Variants in COL5A2 observed in about 807,000 individuals in gnomAD.
The protein encoded by COL5A2 is collagen alpha-2(V) chain.
Under a neutral mutation model 208.2 loss-of-function variants are expected in COL5A2, and 23 were observed. The ratio of observed to expected loss-of-function variants is 0.11; its 90% CI spans 0.08 to 0.16. COL5A2 has a LOEUF of 0.16. Among genes scored for constraint, COL5A2 ranks in the 10% least tolerant of loss-of-function variants. The pLI is 1.00. For synonymous variants in COL5A2, 625 were observed against 628.5 expected, an observed-to-expected ratio of 0.99 and a Z score of 0.08; for missense variants, 1,590 against 1,956.4, an observed-to-expected ratio of 0.81 and a Z score of 3.53.
At chr2:189,258,266 C>T in the COL5A2 span, among the ~76,000 whole-genome samples, 27 of 152,124 alleles carry the variant, frequency 1.8e-4, no homozygotes, top group Non-Finnish European at 7.4e-5. Flanking sequence ...AAGTATGAGT[C>T]CAGATAATTA....
In COL5A2 at chr2:189,087,786, TG is replaced by T. The variant is rs1686696792; in HGVS notation, c.645+908del. On this transcript the variant is annotated intron_variant, in intron 8 of 53. Transcript: ENST00000374866. ...CTGGCCAAAATCAAATTTATTCTTA[TG>T]GCAAGATTTTAATTTTTTATTTTGA... is the stretch of plus-strand genomic sequence containing the variant. Among the ~76,000 whole-genome samples, 3 of 152,024 alleles carry T rather than the reference TG, an allele frequency of 2.0e-5. No individual in the cohort carries two copies. In the South Asian group the frequency reaches 6.2e-4, roughly 32 times the overall value.
the COL5A2 span, among the ~76,000 whole-genome samples, chr2:189,242,537 ACT>A: frequency 6.6e-6 from 1 of 151,958 alleles, no homozygotes; most frequent in Non-Finnish European, 1.5e-5. Flanking sequence ...CCAAGTCATG[ACT>A]CTCTAACCTA....
the COL5A2 span, among the ~76,000 whole-genome samples, chr2:189,396,665 C>A: frequency 1.2e-5 from 1 of 85,662 alleles, no homozygotes. Flanking sequence ...CAGAGCAAGA[C>A]TCCATTAAAA....
the COL5A2 span, among the ~76,000 whole-genome samples, chr2:189,305,273 G>A: frequency 6.6e-6 from 1 of 152,196 alleles, no homozygotes; most frequent in African/African-American, 2.4e-5. Flanking sequence ...TTACGAGCCT[G>A]CTGCTATGAT....
chr2:189,304,388 T>A, the COL5A2 span, among the ~76,000 whole-genome samples: 1 of 152,150 alleles, frequency 6.6e-6, no homozygotes, highest in Non-Finnish European at 1.5e-5. Flanking sequence ...TATAAAGAAA[T>A]ACCTGAGTCC....
chr2:189,315,258 TG>T, the COL5A2 span, among the ~76,000 whole-genome samples: 2 of 152,314 alleles, frequency 1.3e-5, no homozygotes, highest in African/African-American at 4.8e-5. Context: ...GCTTCATCCC[TG>T]GGATGCAAGA....
the COL5A2 span, among the ~76,000 whole-genome samples, chr2:189,292,435 G>A: frequency 6.6e-6 from 1 of 152,054 alleles, no homozygotes; most frequent in Non-Finnish European, 1.5e-5. Flanking sequence ...CATCAAAAAG[G>A]GGGCAAAGGA....
At chr2:189,060,867 C>A in intron 30 of COL5A2, 84 bp from the exon 31 acceptor site, 1 of 914,064 alleles carries the variant, frequency 1.1e-6, no homozygotes, top group South Asian at 1.3e-5. Flanking sequence ...TTTTACAATT[C>A]ATGGGGTCTC....
At chr2:189,092,252 T>A in intron 7 of COL5A2, 58 bp downstream of exon 7, 1 of 1,069,962 alleles carries the variant, frequency 9.3e-7, no homozygotes, top group Non-Finnish European at 1.4e-6. Context: ...ATCCTAACAA[T>A]ATATCAATAA....
At chr2:189,144,791 C>T (rs1048511447) in intron 1 of COL5A2, among the ~76,000 whole-genome samples, 7 of 152,026 alleles carry the variant, frequency 4.6e-5, no homozygotes, top group African/African-American at 9.7e-5. Context: ...ACTAAGCAGG[C>T]CTGACTTGCT....
At chr2:189,074,202 T>C (rs1443647180) in intron 17 of COL5A2, among the ~76,000 whole-genome samples, 1 of 152,116 alleles carries the variant, frequency 6.6e-6, no homozygotes, top group Non-Finnish European at 1.5e-5. Context: ...GTCATAAAGT[T>C]CCTATGTTTA....
rs1064795517 is a variant in COL5A2, at chr2:189,085,173, T to G, written c.785A>C (p.Lys262Thr). The G allele has an allele frequency of 6.2e-7, 1 of 1,612,428 alleles. No individual in the cohort carries two copies. The highest frequency in any genetic ancestry group is 2.2e-5 in the East Asian group (1 of 44,832). Residue 262 changes from lysine to threonine, a missense_variant, in exon 11 of 54, where the codon AAA becomes ACA. Physicochemically the swap from Lys to Thr is moderately conservative, Grantham distance 78 (BLOSUM62 -1). Coordinates refer to ENST00000374866, the MANE Select transcript of COL5A2 (RefSeq NM_000393.5). ...AAGGTAGCTTACATCTTCCCCAGGT[T>G]TACCAGGAGGGCCCTCTGGTCCACG... ...GSRGPEGPPG[K>T]PGEDGEPGRN...
At chr2:189,141,746 C>G (rs1334939928) in intron 1 of COL5A2, among the ~76,000 whole-genome samples, 2 of 152,030 alleles carry the variant, frequency 1.3e-5, no homozygotes, top group African/African-American at 4.8e-5. Flanking sequence ...GTATTCTGAC[C>G]TAAAAAATTA....
At chr2:189,173,463 T>C (rs946181613) in intron 1 of COL5A2, among the ~76,000 whole-genome samples, 2 of 152,204 alleles carry the variant, frequency 1.3e-5, no homozygotes, top group Non-Finnish European at 2.9e-5. Context: ...GGTCACACCT[T>C]TAAAGCAAAA....
the COL5A2 span, among the ~76,000 whole-genome samples, chr2:189,394,935 T>G: frequency 6.6e-6 from 1 of 152,236 alleles, no homozygotes; most frequent in Non-Finnish European, 1.5e-5. Context: ...TTTTAATCAT[T>G]CATTTTAGGT....
At chr2:189,374,933 G>A in the COL5A2 span, among the ~76,000 whole-genome samples, 1 of 151,916 alleles carries the variant, frequency 6.6e-6, no homozygotes, top group South Asian at 2.1e-4. Flanking sequence ...CAGGAAATAT[G>A]ACCATATAGG....
At chr2:189,394,997 A>G in the COL5A2 span, among the ~76,000 whole-genome samples, 2 of 152,170 alleles carry the variant, frequency 1.3e-5, no homozygotes, top group Admixed American at 1.3e-4. Context: ...ACTTCCTTAG[A>G]GTACAATGCT....
rs1685395368 is a variant in COL5A2 at position 189,034,148 on chromosome 2, G to C, written c.4422C>G (p.Ile1474Met). The stretch of plus-strand genomic sequence containing the variant: ...CAACATCCACAGGAGCAAGATCTAT[G>C]ATGGGCAAGCGTGCCACATTCTGTG... ...YRTQNVARLP[I>M]IDLAPVDVGG... The change falls in exon 54 of 54, where the codon ATC becomes ATG. Residue 1474 changes from isoleucine (I) to methionine (M), a missense_variant. By Grantham distance (10) the Ile-to-Met change is conservative (BLOSUM62 1). Transcript: ENST00000374866. 1 of 1,613,872 alleles carries C rather than the reference G, an allele frequency of 6.2e-7. No homozygotes were observed. Among genetic ancestry groups the C allele is most frequent in the Non-Finnish European group, 8.5e-7 (1 of 1,179,964 alleles).
At chr2:189,177,245 T>C (rs1402528748) in intron 1 of COL5A2, among the ~76,000 whole-genome samples, 1 of 152,242 alleles carries the variant, frequency 6.6e-6, no homozygotes, top group East Asian at 1.9e-4. Flanking sequence ...TTGCTTTTCA[T>C]GTGTGCCTCA....
Sources: allele counts gnomAD v4.1 joint callset (sites outside exome capture counted in the v4.1 genomes callset), GRCh38; gene constraint gnomAD v4.1.1; transcripts MANE v1.5; gene names NCBI Gene and HGNC (gene_info 2026-07-23, HGNC 2026-07-21).